The following ALK variants were observed in gnomAD, a reference collection of about 807,000 sequenced individuals.
ALK encodes the protein ALK tyrosine kinase receptor.
Under a neutral mutation model 163.1 loss-of-function variants are expected in ALK, and 74 were observed. The ratio of observed to expected loss-of-function variants is 0.45; its 90% CI spans 0.38 to 0.55. The LOEUF (loss-of-function observed/expected upper bound fraction) is 0.55, where lower values mean the gene tolerates loss of function less well. Ranked by LOEUF, ALK falls within the 20% of genes least tolerant of loss-of-function variation. The pLI is 0.00. For synonymous variants in ALK, 960 were observed against 843.2 expected (o/e 1.14, Z -2.40); for missense variants, 2,063 against 2,105.3 (o/e 0.98, Z 0.39).
At chr2:29,617,135 C>T (rs1332799678) in intron 3 of ALK, among the ~76,000 whole-genome samples, 2 of 152,194 alleles carry the variant, frequency 1.3e-5, no homozygotes, top group Admixed American at 1.3e-4. Context: ...GGTTTGCAAA[C>T]TGATATCATC....
chr2:29,497,220 C>T (rs752811762), intron 4 of ALK, among the ~76,000 whole-genome samples: 1 of 151,360 alleles, frequency 6.6e-6, no homozygotes, highest in Non-Finnish European at 1.5e-5. Context: ...TGCAGTGAGC[C>T]GAAATAGTGC....
At chr2:29,672,259 C>G (rs1677721021) in intron 3 of ALK, among the ~76,000 whole-genome samples, 1 of 151,800 alleles carries the variant, frequency 6.6e-6, no homozygotes. Flanking sequence ...ATGTGCCACG[C>G]TGGTGCACTG....
At chr2:29,332,561 C>T (rs1029340505) in intron 5 of ALK, among the ~76,000 whole-genome samples, 4 of 152,164 alleles carry the variant, frequency 2.6e-5, no homozygotes, top group Non-Finnish European at 5.9e-5. Context: ...CCAGAGGCCA[C>T]CATTTTTAAC....
At chr2:29,615,745 T>C (rs1398693928) in intron 3 of ALK, among the ~76,000 whole-genome samples, 1 of 152,232 alleles carries the variant, frequency 6.6e-6, no homozygotes, top group East Asian at 1.9e-4. Context: ...CTCAGCACTT[T>C]TGCTGATATC....
chr2:29,197,412 A>G (rs1338965911), intron 27 of ALK, 130 bp downstream of exon 27: 1 of 1,390,840 alleles, frequency 7.2e-7, no homozygotes, highest in Non-Finnish European at 9.8e-7. Flanking sequence ...TCACATTCGC[A>G]TCTTGGGGCA....
intron 4 of ALK, among the ~76,000 whole-genome samples, chr2:29,463,591 C>G (rs1573375707): frequency 6.6e-6 from 1 of 152,270 alleles, no homozygotes; most frequent in South Asian, 2.1e-4. Flanking sequence ...AGAAAGGAAA[C>G]AAATGAAGTG....
chr2:29,511,245 C>T (rs1383073508), intron 4 of ALK, among the ~76,000 whole-genome samples: 1 of 152,102 alleles, frequency 6.6e-6, no homozygotes, highest in African/African-American at 2.4e-5. Flanking sequence ...TCATCTCCAA[C>T]CCTCTCTCTA....
intron 19 of ALK, 36 bp downstream of exon 19, chr2:29,225,425 G>GC (rs761514269): frequency 1.9e-6 from 3 of 1,550,348 alleles, no homozygotes; most frequent in African/African-American, 1.4e-5. Flanking sequence ...CTGCCTTCCT[G>GC]CCCCCTTGGG....
At chr2:29,218,720 G>A (rs1365919732) in intron 23 of ALK, among the ~76,000 whole-genome samples, 1 of 152,244 alleles carries the variant, frequency 6.6e-6, no homozygotes, top group Non-Finnish European at 1.5e-5. Context: ...CTCTCCTTAA[G>A]CCTCAGGAAG....
chr2:29,459,684 C>T (rs1183692693), intron 4 of ALK, among the ~76,000 whole-genome samples: 1 of 152,098 alleles, frequency 6.6e-6, no homozygotes, highest in East Asian at 1.9e-4. Flanking sequence ...GAATAGCCAT[C>T]TTGTGACACT....
chr2:29,427,703 G>T (rs1670179326), intron 4 of ALK, among the ~76,000 whole-genome samples: 1 of 152,028 alleles, frequency 6.6e-6, no homozygotes, highest in Non-Finnish European at 1.5e-5. Context: ...ATCCATGCAT[G>T]TCAATAATAA....
intron 11 of ALK, among the ~76,000 whole-genome samples, chr2:29,273,077 T>C (rs1030226818): frequency 3.3e-5 from 5 of 152,262 alleles, no homozygotes; most frequent in Admixed American, 1.3e-4. Flanking sequence ...CCTATCCCTC[T>C]GTCCTTCTTC....
At chr2:29,290,841 G>C (rs550503032) in intron 9 of ALK, among the ~76,000 whole-genome samples, 44 of 152,202 alleles carry the variant, frequency 2.9e-4, no homozygotes, top group Non-Finnish European at 5.9e-4. Flanking sequence ...ACCTGGAGAG[G>C]GGACACAATG....
chr2:29,333,192 G>A (rs979419282), intron 5 of ALK, among the ~76,000 whole-genome samples: 2 of 151,952 alleles, frequency 1.3e-5, no homozygotes, highest in Non-Finnish European at 2.9e-5. Flanking sequence ...CTCAGCTCAC[G>A]GCAACCTCCG....
At chr2:29,202,343 C>A (rs973023697) in intron 26 of ALK, among the ~76,000 whole-genome samples, 3 of 152,258 alleles carry the variant, frequency 2.0e-5, no homozygotes, top group Non-Finnish European at 2.9e-5. Context: ...TAGAGCACTT[C>A]CTAATCCTTG....
intron 3 of ALK, among the ~76,000 whole-genome samples, chr2:29,693,594 C>T (rs961040551): frequency 6.6e-6 from 1 of 152,166 alleles, no homozygotes; most frequent in South Asian, 2.1e-4. Context: ...TCTTTGATGA[C>T]AAGGTAGAGG....
intron 4 of ALK, among the ~76,000 whole-genome samples, chr2:29,502,344 T>A (rs546194302): frequency 4.6e-5 from 7 of 152,318 alleles, no homozygotes; most frequent in African/African-American, 1.4e-4. Context: ...AATGAATGGA[T>A]GAATGAATGA....
chr2:29,581,724 C>T (rs1674697485), intron 3 of ALK, among the ~76,000 whole-genome samples: 1 of 152,108 alleles, frequency 6.6e-6, no homozygotes, highest in African/African-American at 2.4e-5. Flanking sequence ...CAGTGAGGGA[C>T]CTCAGCCCTC....
intron 9 of ALK, among the ~76,000 whole-genome samples, chr2:29,283,716 A>G (rs1665773362): frequency 1.3e-5 from 2 of 152,112 alleles, no homozygotes; most frequent in Admixed American, 6.5e-5. Context: ...AAAAGAATCT[A>G]TGTAAGATGT....
Sources: gnomAD v4.1 joint callset for allele counts (sites outside exome capture counted in the v4.1 genomes callset) on GRCh38, gnomAD v4.1.1 for gene constraint, MANE v1.5 for transcripts, NCBI Gene and HGNC (gene_info 2026-07-23, HGNC 2026-07-21) for gene names.